RELCH: variants seen among roughly 807,000 people sequenced by gnomAD.
The protein encoded by RELCH is RAB11-binding protein RELCH.
RELCH carries 41 observed loss-of-function variants against 150.3 expected under a neutral mutation model. That is an observed-to-expected ratio of 0.27 (90% CI 0.21 to 0.35). The LOEUF (loss-of-function observed/expected upper bound fraction) is 0.35. RELCH is among the 10% of genes least tolerant of loss of function. RELCH has a pLI of 1.00. For synonymous variants in RELCH, 478 were observed against 531.8 expected (o/e 0.90, Z 1.39); for missense variants, 1,092 against 1,467.8 (o/e 0.74, Z 4.18).
At chr18:62,241,146 T>A (rs1451482239) in intron 10 of RELCH, among the ~76,000 whole-genome samples, 1 of 152,160 alleles carries the variant, frequency 6.6e-6, no homozygotes, top group Non-Finnish European at 1.5e-5. Context: ...CAGCAACTCT[T>A]TGTCTCCTTG....
chr18:62,259,492 TA>T lies in RELCH; in HGVS notation c.2202+826del, dbSNP rs138214512. On this transcript the variant is annotated intron_variant, in intron 15 of 28. Transcript: ENST00000644646. ...ATGAAAGAAATTGAAGAGGAAATGT[TA>T]AAAAAAAAAGATATCCATATTTAGT... Among the ~76,000 whole-genome samples, 143 of 148,434 alleles carry T rather than the reference TA, an allele frequency of 9.6e-4. 1 individual carries two copies. The South Asian group carries it at 0.012, about 12-fold the overall frequency.
intron 15 of RELCH, among the ~76,000 whole-genome samples, chr18:62,260,067 T>G (rs993286711): frequency 5.3e-5 from 8 of 151,272 alleles, no homozygotes; most frequent in Non-Finnish European, 1.2e-4. Flanking sequence ...AGTAAAAAGC[T>G]TCCGCGCAGC....
At position 62,254,296 on chromosome 18, in the gene RELCH, G is replaced by A. The variant is rs1020263189; in HGVS notation, c.1825-1111G>A. Among the ~76,000 whole-genome samples, 7 of 151,918 alleles carry A rather than the reference G, an allele frequency of 4.6e-5. 1 individual carries two copies. Among genetic ancestry groups the A allele is most frequent in the Admixed American group, 2.0e-4 (3 of 15,248 alleles). ...TCTCAACAGTAATTTGTATTTTTCC[G>A]AGTAGTGTACGTTTTGCCCTTTTGT... On this transcript the variant is annotated intron_variant, in intron 12 of 28. Transcript: ENST00000644646.
rs956920534 is a variant in RELCH, at chr18:62,309,744, T to A, written c.*4210T>A. ...ACTATATTACTATTTTAATTCCTTT[T>A]ATTCCATTACAGACTAATCCACCAT... is the stretch of plus-strand genomic sequence containing the variant. On this transcript the variant is annotated 3_prime_UTR_variant, in exon 29 of 29. Transcript: ENST00000644646. The A allele has an allele frequency of 6.6e-6, 1 of 152,212 alleles. No homozygotes were observed. Among genetic ancestry groups the A allele is most frequent in the African/African-American group, 2.4e-5 (1 of 41,464 alleles). 9.4% of individuals were successfully genotyped at this position (152,212 alleles called of 1,614,324 possible). A position where few individuals can be genotyped will look rare whatever the true frequency, so the allele number is the denominator to read the frequency against.
intron 10 of RELCH, among the ~76,000 whole-genome samples, chr18:62,240,698 AT>A (rs144818332): frequency 0.099 from 15,039 of 152,046 alleles, 872 homozygotes; most frequent in East Asian, 0.19. Flanking sequence ...TATTATACTG[AT>A]TTTTCTCTTT....
At chr18:62,252,242 G>C (rs1368047342) in intron 11 of RELCH, among the ~76,000 whole-genome samples, 1 of 149,738 alleles carries the variant, frequency 6.7e-6, no homozygotes. Context: ...CTCATGATCT[G>C]CCCGCCTCAG....
intron 11 of RELCH, among the ~76,000 whole-genome samples, 157 bp from the exon 12 acceptor site, chr18:62,252,507 A>C (rs2042769663): frequency 6.6e-6 from 1 of 150,714 alleles, no homozygotes; most frequent in Non-Finnish European, 1.5e-5. Flanking sequence ...AGACAGCCAG[A>C]CTCTATCTCA....
At chr18:62,289,435 A>C (rs1225999457) in intron 26 of RELCH, among the ~76,000 whole-genome samples, 1 of 152,204 alleles carries the variant, frequency 6.6e-6, no homozygotes, top group Non-Finnish European at 1.5e-5. Flanking sequence ...TTGGCATAAT[A>C]ATAAGTCGAG....
At chr18:62,280,369 C>A (rs772565185) in intron 23 of RELCH, 2 of 1,613,696 alleles carry the variant, frequency 1.2e-6, no homozygotes, top group African/African-American at 2.7e-5. Context: ...GCTGACTCTT[C>A]GAGGCATGAG....
chr18:62,245,538 A>G (rs1687073849), intron 11 of RELCH, among the ~76,000 whole-genome samples: 1 of 152,168 alleles, frequency 6.6e-6, no homozygotes, highest in African/African-American at 2.4e-5. Context: ...AGGCAGGAGA[A>G]TCGCTTGAAC....
At chr18:62,227,986 A>T (rs2148412064) in intron 7 of RELCH, among the ~76,000 whole-genome samples, 1 of 152,164 alleles carries the variant, frequency 6.6e-6, no homozygotes, top group East Asian at 1.9e-4. Context: ...CCTGTTCATT[A>T]TTCCATTTAG....
At chr18:62,237,885 G>A (rs756848055) in intron 10 of RELCH, among the ~76,000 whole-genome samples, 3 of 151,660 alleles carry the variant, frequency 2.0e-5, no homozygotes, top group South Asian at 2.1e-4. Context: ...TAGAAAGCAC[G>A]ATGAATATAG....
At chr18:62,275,590 T>C in intron 22 of RELCH, 117 bp downstream of exon 22, 2 of 685,940 alleles carry the variant, frequency 2.9e-6, no homozygotes, top group Non-Finnish European at 2.6e-6. Context: ...TTGATATATA[T>C]TTTATGGCTT....
At chr18:62,211,683 G>A (rs1226789259) in intron 2 of RELCH, among the ~76,000 whole-genome samples, 1 of 151,956 alleles carries the variant, frequency 6.6e-6, no homozygotes, top group African/African-American at 2.4e-5. Flanking sequence ...TTGCTATTTG[G>A]GAAGCTGAGG....
chr18:62,275,540 G>A (rs2044161027), intron 22 of RELCH, 67 bp downstream of exon 22: 1 of 981,220 alleles, frequency 1.0e-6, no homozygotes, highest in South Asian at 1.4e-5. Context: ...AAGAAGAAGG[G>A]AATTTTTTTT....
At chr18:62,230,349 A>G (rs1220187499) in intron 8 of RELCH, among the ~76,000 whole-genome samples, 1 of 152,014 alleles carries the variant, frequency 6.6e-6, no homozygotes, top group Non-Finnish European at 1.5e-5. Flanking sequence ...AAGTGGAAGG[A>G]TTATGGTCCC....
chr18:62,264,223 C>G, intron 17 of RELCH, 78 bp downstream of exon 17: 1 of 1,220,416 alleles, frequency 8.2e-7, no homozygotes, highest in South Asian at 1.4e-5. Context: ...CAAAATATAA[C>G]AAAACTTTTA....
chr18:62,194,345 T>C (rs1324335059), intron 1 of RELCH, among the ~76,000 whole-genome samples: 2 of 152,258 alleles, frequency 1.3e-5, no homozygotes, highest in Non-Finnish European at 2.9e-5. Context: ...GTTCTGTATG[T>C]CCTTTTGAGA....
intron 20 of RELCH, among the ~76,000 whole-genome samples, chr18:62,269,749 C>T (rs920586039): frequency 5.9e-5 from 9 of 152,080 alleles, no homozygotes; most frequent in African/African-American, 9.6e-5. Context: ...ATCAATACAG[C>T]GAAAAAATAA....
Sources: allele counts gnomAD v4.1 joint callset (sites outside exome capture counted in the v4.1 genomes callset), GRCh38; gene constraint gnomAD v4.1.1; transcripts MANE v1.5; gene names NCBI Gene and HGNC (gene_info 2026-07-23, HGNC 2026-07-21).